The following MTMR3 variants were observed in gnomAD, a reference collection of about 807,000 sequenced individuals.
MTMR3 encodes myotubularin related protein 3, also known as phosphatidylinositol-3,5-bisphosphate 3-phosphatase MTMR3.
A neutral mutation model predicts 132.4 loss-of-function variants in MTMR3; 32 were observed. The ratio of observed to expected loss-of-function variants is 0.24; its 90% CI spans 0.18 to 0.32. MTMR3 has a LOEUF of 0.32. Among genes scored for constraint, MTMR3 ranks in the 10% least tolerant of loss-of-function variants. The probability of loss-of-function intolerance (pLI) is 1.00; values close to 1 mark genes in which losing one functional copy is unlikely to be tolerated. For missense variants in MTMR3, 1,216 were observed against 1,489.6 expected, an observed-to-expected ratio of 0.82 and a Z score of 3.02; for synonymous variants, 556 against 550.3, an observed-to-expected ratio of 1.01 and a Z score of -0.14.
intron 1 of MTMR3, among the ~76,000 whole-genome samples, chr22:29,904,423 A>G (rs2065056695): frequency 6.6e-6 from 1 of 152,186 alleles, no homozygotes; most frequent in Admixed American, 6.5e-5. Flanking sequence ...TTTGCAGTTC[A>G]CTGTCGTGAA....
At chr22:29,942,461 A>G (rs1219883843) in intron 1 of MTMR3, among the ~76,000 whole-genome samples, 7 of 152,208 alleles carry the variant, frequency 4.6e-5, no homozygotes, top group African/African-American at 1.7e-4. Flanking sequence ...CATTGATAAC[A>G]TCTTATCAGG....
intron 5 of MTMR3, chr22:29,979,363 G>A (rs1411818436): frequency 8.3e-6 from 2 of 241,148 alleles, no homozygotes; most frequent in South Asian, 4.5e-5. Flanking sequence ...GTGGTGGCAG[G>A]TGCCTGTAGT....
chr22:29,922,773 A>G (rs1029557360), intron 1 of MTMR3, among the ~76,000 whole-genome samples: 1 of 152,084 alleles, frequency 6.6e-6, no homozygotes, highest in Non-Finnish European at 1.5e-5. Context: ...CCTACCAGCA[A>G]TGCACAAGGA....
intron 1 of MTMR3, among the ~76,000 whole-genome samples, chr22:29,929,989 A>G (rs535145942): frequency 8.5e-5 from 13 of 152,292 alleles, no homozygotes; most frequent in African/African-American, 2.9e-4. Flanking sequence ...TGTGGACAGC[A>G]CATAGATTGG....
chr22:29,886,228 T>C (rs1792365448), intron 1 of MTMR3, among the ~76,000 whole-genome samples: 2 of 152,254 alleles, frequency 1.3e-5, no homozygotes, highest in South Asian at 4.1e-4. Context: ...CAAATAGGGC[T>C]CTGGGTAGGA....
At position 30,028,035 on chromosome 22, in the gene MTMR3, C is replaced by T. The variant is rs2067944792; in HGVS notation, c.*2234C>T. On this transcript the variant is annotated 3_prime_UTR_variant, in exon 20 of 20. Coordinates refer to ENST00000401950, the MANE Select transcript of MTMR3 (RefSeq NM_021090.4). Reference sequence around the variant, plus strand: ...AAGGAGCCTCACCATGATGTTCAAGCACTGAACGCATTTCCTCAGTGATTT... The same window carrying T: ...AAGGAGCCTCACCATGATGTTCAAGTACTGAACGCATTTCCTCAGTGATTT... 6.6e-6 allele frequency: 1 copy of T among 152,360 alleles called. No homozygotes were observed. Among genetic ancestry groups the T allele is most frequent in the African/African-American group, 2.4e-5 (1 of 41,464 alleles). The allele number at this position is 152,360 out of a possible 1,614,324, so 9.4% of individuals were successfully genotyped here. A position where few individuals can be genotyped will look rare whatever the true frequency, so the allele number is the denominator to read the frequency against.
intron 1 of MTMR3, among the ~76,000 whole-genome samples, chr22:29,913,144 A>T (rs1200490046): frequency 6.6e-6 from 1 of 152,150 alleles, no homozygotes; most frequent in East Asian, 1.9e-4. Flanking sequence ...GCTACTCAGG[A>T]AGCTGAGGTA....
At chr22:29,897,822 C>T (rs1268973384) in intron 1 of MTMR3, among the ~76,000 whole-genome samples, 3 of 152,102 alleles carry the variant, frequency 2.0e-5, no homozygotes, top group Admixed American at 1.3e-4. Flanking sequence ...ATCGTATTTT[C>T]GTATGCAGAA....
In MTMR3 at chr22:30,030,344, AT is replaced by A. The variant is rs796214425; in HGVS notation, c.*4554del. 1.1e-3 allele frequency: 80 copies of A among 71,234 alleles called. 1 individual carries two copies. Among genetic ancestry groups the A allele is most frequent in the East Asian group, 6.5e-3 (22 of 3,394 alleles). 4.4% of individuals were successfully genotyped at this position (71,234 alleles called of 1,614,324 possible). On this transcript the variant is annotated 3_prime_UTR_variant, in exon 20 of 20. Coordinates refer to ENST00000401950, the MANE Select transcript of MTMR3 (RefSeq NM_021090.4). The stretch of plus-strand genomic sequence containing the variant: ...AACAGCTTCCCAACTAGCTTATAAG[AT>A]TTTTTTTTTTAATGAAAACATAACC...
intron 2 of MTMR3, among the ~76,000 whole-genome samples, chr22:29,959,022 G>A (rs2066255278): frequency 6.6e-6 from 1 of 152,176 alleles, no homozygotes; most frequent in Non-Finnish European, 1.5e-5. Context: ...TGTAGTCCAA[G>A]TTGCTCCGTG....
At chr22:29,925,124 CGAGGCTCAGGG>C (rs2065490038) in intron 1 of MTMR3, among the ~76,000 whole-genome samples, 1 of 152,164 alleles carries the variant, frequency 6.6e-6, no homozygotes, top group Non-Finnish European at 1.5e-5. Flanking sequence ...CTGGCTCCTC[CGAGGCTCAGGG>C]GATCCTCCCA....
At chr22:29,988,055 C>T (rs5752992) in intron 5 of MTMR3, 54,135 of 152,680 alleles carry the variant, frequency 0.35, 10,538 homozygotes, top group East Asian at 0.72. Context: ...ACAATAGTCT[C>T]CCACTGGCAT....
At chr22:29,945,952 G>C (rs1278864485) in intron 1 of MTMR3, among the ~76,000 whole-genome samples, 1 of 152,108 alleles carries the variant, frequency 6.6e-6, no homozygotes, top group Non-Finnish European at 1.5e-5. Context: ...GACAGGGAGT[G>C]TTAAAAGATT....
Position 30,019,891 on chromosome 22 carries a change from A to C in MTMR3, c.2232A>C (p.Glu744Asp), listed in dbSNP as rs774232052. Reference sequence around the variant, plus strand: ...CCATTGGACTTCACCAAGACCCAGAACTGGGTGATGCTGCTCTGAGGAGCC... The same window carrying C: ...CCATTGGACTTCACCAAGACCCAGACCTGGGTGATGCTGCTCTGAGGAGCC... ...ASAIGLHQDP[E>D]LGDAALRSHL... is the part of the protein sequence containing the mutation. Residue 744 changes from glutamate (E) to aspartate (D), a missense_variant, in exon 17 of 20, where the codon GAA (glutamate) becomes GAC (aspartate). Glu to Asp is a conservative substitution (Grantham distance 45). Coordinates refer to ENST00000401950, the MANE Select transcript of MTMR3 (RefSeq NM_021090.4). 1 of 1,614,162 alleles carries C rather than the reference A, an allele frequency of 6.2e-7. No homozygotes were observed. Among genetic ancestry groups the C allele is most frequent in the South Asian group, 1.1e-5 (1 of 91,088 alleles).
intron 1 of MTMR3, among the ~76,000 whole-genome samples, chr22:29,925,800 A>C (rs891248539): frequency 1.3e-5 from 2 of 152,130 alleles, no homozygotes; most frequent in African/African-American, 4.8e-5. Context: ...CTGTGGTCCC[A>C]GCTGTTTGGG....
At chr22:29,906,286 G>GTCTGTCTATCTA (rs2065099481) in intron 1 of MTMR3, among the ~76,000 whole-genome samples, 11 of 74,452 alleles carry the variant, frequency 1.5e-4, no homozygotes, top group African/African-American at 2.4e-4. Context: ...CTGTCTGTCT[G>GTCTGTCTATCTA]TCTATCTATC....
chr22:29,986,815 C>G (rs1297588895), intron 5 of MTMR3: 1 of 152,558 alleles, frequency 6.6e-6, no homozygotes, highest in Non-Finnish European at 1.4e-5. Flanking sequence ...AGACATGCAC[C>G]AAAATTACAG....
intron 1 of MTMR3, among the ~76,000 whole-genome samples, chr22:29,889,248 AAAATG>A (rs2064742507): frequency 6.6e-6 from 1 of 151,830 alleles, no homozygotes; most frequent in African/African-American, 2.4e-5. Flanking sequence ...TTTAAATTTC[AAAATG>A]AAATTATTTC....
At chr22:30,004,375 G>A (rs1203699189) in intron 9 of MTMR3, 8 of 152,186 alleles carry the variant, frequency 5.3e-5, no homozygotes, top group South Asian at 2.1e-4. Flanking sequence ...TTGACCAAAA[G>A]GGGGAAGGTA....
Sources: allele counts gnomAD v4.1 joint callset (sites outside exome capture counted in the v4.1 genomes callset), GRCh38; gene constraint gnomAD v4.1.1; transcripts MANE v1.5; gene names NCBI Gene and HGNC (gene_info 2026-07-23, HGNC 2026-07-21).